The following PLA2G2C variants were observed in gnomAD, a reference collection of about 807,000 sequenced individuals.
PLA2G2C encodes phospholipase A2 group IIC.
A neutral mutation model predicts 14.3 loss-of-function variants in PLA2G2C; 15 were observed. That is an observed-to-expected ratio of 1.05 (90% CI 0.70 to 1.62). PLA2G2C has a LOEUF of 1.62. Among genes scored for constraint, PLA2G2C ranks in the 40% most tolerant of loss-of-function variants. The pLI is 0.00. For missense variants in PLA2G2C, 162 were observed against 173.2 expected (o/e 0.94, Z 0.36); for synonymous variants, 79 against 67.7 (o/e 1.17, Z -0.82).
At chr1:20,180,763 G>A (rs991276668) in intron 1 of PLA2G2C, among the ~76,000 whole-genome samples, 3 of 152,256 alleles carry the variant, frequency 2.0e-5, no homozygotes, top group African/African-American at 4.8e-5. Flanking sequence ...GAGGGCCCGA[G>A]GCTTGATGAG....
At chr1:20,164,632 A>G (rs2017943211) in intron 4 of PLA2G2C, among the ~76,000 whole-genome samples, 1 of 152,108 alleles carries the variant, frequency 6.6e-6, no homozygotes, top group Non-Finnish European at 1.5e-5. Flanking sequence ...CTCATCTCCT[A>G]TTTCCAGCTG....
In PLA2G2C at chr1:20,164,117, C is replaced by G. The variant is rs1473103229; in HGVS notation, c.324G>C (p.Arg108Ser). 1.9e-6 allele frequency: 3 copies of G among 1,613,818 alleles called. No homozygotes were observed. The highest frequency in any genetic ancestry group is 3.3e-5 in the Admixed American group (2 of 60,022). ...TLGPGASCHC[R>S]LKACECDKQS... ...GCTTGTCACACTCACAGGCCTTCAG[C>G]CTGCAGTGGCAGCTGGCACCAGGAC... The change falls in exon 5 of 5, where the codon AGG becomes AGC. Residue 108 changes from arginine to serine, a missense_variant. By Grantham distance (110) the Arg-to-Ser change is moderately radical (BLOSUM62 -1). Transcript: ENST00000679259.
rs1199855619 is a variant in PLA2G2C, at chr1:20,164,095, T to A, written c.346A>T (p.Lys116Ter). ...TCTTTGAAGCAGTGCACGGATTGCT[T>A]GTCACACTCACAGGCCTTCAGCCTG... is the stretch of plus-strand genomic sequence containing the variant. ...HCRLKACECD[K>*]QSVHCFKESL... The change falls in exon 5 of 5, where the codon AAG (lysine) becomes TAG (stop). Residue 116 changes from lysine to a stop codon, truncating the protein, a stop_gained. Coordinates refer to ENST00000679259, the MANE Select transcript of PLA2G2C (RefSeq NM_001367969.2). LOFTEE classifies it high-confidence loss of function. The A allele has an allele frequency of 1.2e-6, 2 of 1,613,732 alleles. No individual in the cohort carries two copies. The highest frequency in any genetic ancestry group is 1.7e-6 in the Non-Finnish European group (2 of 1,179,854).
rs1553184473 is a variant in PLA2G2C at position 20,179,212 on chromosome 1, C to CTCTGTG, written c.-76-1774_-76-1773insCACAGA. On this transcript the variant is annotated intron_variant, in intron 1 of 4. Transcript: ENST00000679259. ...CAACTTCCCCTCTATGTCAGTTTCT[C>CTCTGTG]TGTGTGTGTGTGTGTGTGTGTGTGT... Among the ~76,000 whole-genome samples, 958 of 149,860 alleles carry CTCTGTG rather than the reference C, an allele frequency of 6.4e-3. 13 individuals are homozygous for CTCTGTG. Among genetic ancestry groups the CTCTGTG allele is most frequent in the African/African-American group, 0.022 (914 of 40,994 alleles).
At chr1:20,179,767 T>A (rs962714477) in intron 1 of PLA2G2C, among the ~76,000 whole-genome samples, 4 of 138,766 alleles carry the variant, frequency 2.9e-5, no homozygotes, top group South Asian at 2.3e-4. Flanking sequence ...TGTGTGTGTG[T>A]GAGCTTGTCC....
rs562496978 is a variant in PLA2G2C at position 20,172,233 on chromosome 1, C to T, written c.283+561G>A. 2.9e-4 allele frequency among the ~76,000 whole-genome samples: 44 copies of T among 152,246 alleles called. No homozygotes were observed. The South Asian group carries it at 5.4e-3, about 19-fold the overall frequency. ...CTGCACATACCCATACCCTACCAGC[C>T]GCAGAACACGCTCCGGATGCCAGGG... On this transcript the variant is annotated intron_variant, in intron 4 of 4. Transcript: ENST00000679259.
intron 2 of PLA2G2C, 131 bp downstream of exon 2, chr1:20,177,193 G>A (rs188875014): frequency 1.9e-5 from 13 of 690,754 alleles, no homozygotes; most frequent in Middle Eastern, 3.7e-4. Flanking sequence ...GTGGGAGCCC[G>A]TTCCTTTCCT....
intron 4 of PLA2G2C, among the ~76,000 whole-genome samples, chr1:20,169,241 C>T (rs2018029688): frequency 6.6e-6 from 1 of 152,156 alleles, no homozygotes; most frequent in African/African-American, 2.4e-5. Context: ...TGCAGTGGTG[C>T]AATCACAGCT....
chr1:20,174,132 G>T (rs78344513), intron 3 of PLA2G2C, among the ~76,000 whole-genome samples: 1 of 152,116 alleles, frequency 6.6e-6, no homozygotes, highest in Non-Finnish European at 1.5e-5. Context: ...TTTCATAAGC[G>T]TCAGTTGCCC....
intron 1 of PLA2G2C, among the ~76,000 whole-genome samples, chr1:20,183,423 G>C (rs929665210): frequency 3.9e-5 from 6 of 152,212 alleles, no homozygotes; most frequent in Non-Finnish European, 7.3e-5. Flanking sequence ...CTGGGGTCCA[G>C]GGTGGGCTTT....
At chr1:20,165,712 C>CGCG (rs2017963747) in intron 4 of PLA2G2C, among the ~76,000 whole-genome samples, 1 of 147,492 alleles carries the variant, frequency 6.8e-6, no homozygotes. Flanking sequence ...ATGCGTGTGC[C>CGCG]TGTGTGCATG....
Position 20,163,928 on chromosome 1 carries a change from A to C in PLA2G2C, c.*63T>G. 6.6e-7 allele frequency: 1 copy of C among 1,516,964 alleles called. No homozygotes were observed. Among genetic ancestry groups the C allele is most frequent in the Non-Finnish European group, 8.9e-7 (1 of 1,125,014 alleles). The allele number at this position is 1,516,964 out of a possible 1,614,324, so 94.0% of individuals were successfully genotyped here. A position where few individuals can be genotyped will look rare whatever the true frequency, so the allele number is the denominator to read the frequency against. On this transcript the variant is annotated 3_prime_UTR_variant, in exon 5 of 5. Coordinates refer to ENST00000679259, the MANE Select transcript of PLA2G2C (RefSeq NM_001367969.2). The stretch of plus-strand genomic sequence containing the variant: ...GGGGCCTGTTGGGGATGATCTGAGA[A>C]GGCTTCCTGGAAGAGCAACACTAGA...
chr1:20,179,268 C>T (rs2100723869), intron 1 of PLA2G2C, among the ~76,000 whole-genome samples: 1 of 151,602 alleles, frequency 6.6e-6, no homozygotes, highest in Non-Finnish European at 1.5e-5. Context: ...GCTTCTCCCT[C>T]TATGTCAGTT....
chr1:20,166,321 C>T (rs1359213623), intron 4 of PLA2G2C, among the ~76,000 whole-genome samples: 1 of 152,206 alleles, frequency 6.6e-6, no homozygotes, highest in Admixed American at 6.5e-5. Context: ...TGCTCGCCCG[C>T]AGGGAATCTG....
intron 4 of PLA2G2C, among the ~76,000 whole-genome samples, chr1:20,170,188 A>G (rs1204621913): frequency 6.6e-6 from 1 of 152,242 alleles, no homozygotes; most frequent in African/African-American, 2.4e-5. Context: ...AGGCTCATAC[A>G]CTATAGCTGT....
chr1:20,165,973 C>T (rs1466427880), intron 4 of PLA2G2C, among the ~76,000 whole-genome samples: 1 of 152,222 alleles, frequency 6.6e-6, no homozygotes, highest in Admixed American at 6.5e-5. Context: ...TCAGCTTCCT[C>T]ATCTATGAAA....
At chr1:20,178,944 C>G (rs1160400278) in intron 1 of PLA2G2C, among the ~76,000 whole-genome samples, 1 of 152,252 alleles carries the variant, frequency 6.6e-6, no homozygotes, top group Non-Finnish European at 1.5e-5. Flanking sequence ...GGCAGGCCCC[C>G]TCTTCAGGGC....
At chr1:20,179,623 CTGTGTG>C (rs113566701) in intron 1 of PLA2G2C, among the ~76,000 whole-genome samples, 8 of 140,048 alleles carry the variant, frequency 5.7e-5, no homozygotes, top group African/African-American at 1.9e-4. Flanking sequence ...GTGTCAGTTT[CTGTGTG>C]TGTGTGTGTG....
In PLA2G2C at chr1:20,173,586, G is replaced by A. The variant is rs879286566; in HGVS notation, c.180-689C>T. The stretch of plus-strand genomic sequence containing the variant: ...CCTACTGTGAGTCAGGCACTGTAAC[G>A]GTCTCTGAGGAGACAACTGTCTGTA... On this transcript the variant is annotated intron_variant, in intron 3 of 4. Coordinates refer to ENST00000679259, the MANE Select transcript of PLA2G2C (RefSeq NM_001367969.2). Among the ~76,000 whole-genome samples, 4 of 152,132 alleles carry A rather than the reference G, an allele frequency of 2.6e-5. 1 individual carries two copies. The highest frequency in any genetic ancestry group is 4.1e-4 in the South Asian group (2 of 4,828).
Sources: allele counts gnomAD v4.1 joint callset (sites outside exome capture counted in the v4.1 genomes callset), GRCh38; gene constraint gnomAD v4.1.1; transcripts MANE v1.5; gene names NCBI Gene and HGNC (gene_info 2026-07-23, HGNC 2026-07-21).